The following ASAH1 variants were observed in gnomAD, a reference collection of about 807,000 sequenced individuals.
ASAH1 encodes the protein N-acylsphingosine amidohydrolase 1.
Under a neutral mutation model 59.5 loss-of-function variants are expected in ASAH1, and 70 were observed. That is an observed-to-expected ratio of 1.18 (90% CI 0.97 to 1.43). ASAH1 has a LOEUF of 1.43. Ranked by LOEUF, ASAH1 falls within the 40% of genes most tolerant of loss-of-function variation. ASAH1 has a pLI of 0.00. For missense variants in ASAH1, 660 were observed against 482.5 expected, an observed-to-expected ratio of 1.37 and a Z score of -3.45; for synonymous variants, 213 against 166.5, an observed-to-expected ratio of 1.28 and a Z score of -2.15.
At chr8:18,063,450 T>G (rs926667922) in intron 6 of ASAH1, 1 of 495,522 alleles carries the variant, frequency 2.0e-6, no homozygotes, top group East Asian at 3.8e-5. Context: ...ATTACAGACA[T>G]GTGCGACCGC....
At chr8:18,070,845 T>C (rs570010269) in intron 3 of ASAH1, among the ~76,000 whole-genome samples, 88 of 152,278 alleles carry the variant, frequency 5.8e-4, no homozygotes, top group Non-Finnish European at 9.8e-4. Context: ...CAATAATATT[T>C]AATAAAGTTA....
At chr8:18,079,274 G>A (rs202168707) in intron 1 of ASAH1, among the ~76,000 whole-genome samples, 165 of 116,810 alleles carry the variant, frequency 1.4e-3, no homozygotes, top group Non-Finnish European at 1.6e-3. Flanking sequence ...CTCCATCTCA[G>A]AAAAAAAAAA....
At chr8:18,078,007 G>C (rs1163810286) in intron 1 of ASAH1, among the ~76,000 whole-genome samples, 1 of 152,156 alleles carries the variant, frequency 6.6e-6, no homozygotes, top group African/African-American at 2.4e-5. Flanking sequence ...GCTGGTGACA[G>C]AATCAGAGTC....
At chr8:18,083,884 A>C in intron 1 of ASAH1, 97 bp downstream of exon 1, 2 of 1,533,858 alleles carry the variant, frequency 1.3e-6, no homozygotes, top group Non-Finnish European at 1.7e-6. Context: ...GCCCAGCACG[A>C]GGTGTTCCTT....
intron 7 of ASAH1, chr8:18,062,828 C>T (rs7387912): frequency 0.35 from 119,748 of 345,740 alleles, 22,745 homozygotes; most frequent in South Asian, 0.5. Flanking sequence ...ATCAATATAA[C>T]ACAACCTACT....
rs768462100 is a variant in ASAH1, at chr8:18,057,550, G to C, written c.1172C>G (p.Pro391Arg). The C allele has an allele frequency of 2.5e-6, 4 of 1,600,294 alleles. No homozygotes were observed. The East Asian group carries it at 6.8e-5, about 27-fold the overall frequency. ...FETYLRDCPD[P>R]CIGW ...GACGTGTGCTCACCAACCTATACAA[G>C]GGTCAGGGCAGTCCCGCAGGTAAGT... Residue 391 changes from proline (P) to arginine (R), a missense_variant, in exon 14 of 14, where the codon CCT becomes CGT. Transcript: ENST00000637790.
At chr8:18,058,483 A>C in intron 13 of ASAH1, 4 of 241,454 alleles carry the variant, frequency 1.7e-5, no homozygotes, top group African/African-American at 2.3e-5. Context: ...ACCAAGACAC[A>C]GAGCTCTGTC....
At chr8:18,079,897 G>T (rs1800581397) in intron 1 of ASAH1, among the ~76,000 whole-genome samples, 1 of 152,190 alleles carries the variant, frequency 6.6e-6, no homozygotes, top group Non-Finnish European at 1.5e-5. Flanking sequence ...CTTGTCTTCT[G>T]GGCTTTGATG....
At chr8:18,075,609 G>T (rs372476327) in intron 1 of ASAH1, 22 bp from the exon 2 acceptor site, 8 of 1,613,224 alleles carry the variant, frequency 5.0e-6, no homozygotes, top group Non-Finnish European at 6.8e-6. Flanking sequence ...AGAAAATTAA[G>T]TTTCAGAAAA....
intron 1 of ASAH1, among the ~76,000 whole-genome samples, chr8:18,079,732 TTTCA>T (rs1420628980): frequency 1.3e-5 from 2 of 152,208 alleles, no homozygotes; most frequent in Non-Finnish European, 2.9e-5. Flanking sequence ...CCAGACAATT[TTTCA>T]TTCATTCAAT....
At chr8:18,074,202 T>A (rs1800295185) in intron 2 of ASAH1, among the ~76,000 whole-genome samples, 1 of 152,148 alleles carries the variant, frequency 6.6e-6, no homozygotes, top group East Asian at 1.9e-4. Context: ...AATCAATCAG[T>A]AAGGCAGACA....
chr8:18,058,755 T>G, intron 13 of ASAH1, 80 bp downstream of exon 13: 1 of 1,294,254 alleles, frequency 7.7e-7, no homozygotes, highest in South Asian at 1.2e-5. Context: ...CTCAAACTGA[T>G]CAAAGATAAC....
At chr8:18,071,468 T>C (rs1441126212) in intron 2 of ASAH1, 78 bp from the exon 3 acceptor site, 8 of 971,934 alleles carry the variant, frequency 8.2e-6, no homozygotes, top group Non-Finnish European at 1.1e-5. Flanking sequence ...TATAAGAATA[T>C]ATGAGAGGCA....
At chr8:18,067,328 T>A (rs1799973562) in intron 4 of ASAH1, 30 bp from the exon 5 acceptor site, 2 of 1,378,862 alleles carry the variant, frequency 1.5e-6, no homozygotes. Context: ...ATAAAAGCAT[T>A]TAACATAATA....
chr8:18,083,731 A>C (rs1589011407), intron 1 of ASAH1, among the ~76,000 whole-genome samples: 1 of 152,234 alleles, frequency 6.6e-6, no homozygotes, highest in Non-Finnish European at 1.5e-5. Context: ...TGCGAATCAC[A>C]CCCAGGTATC....
intron 2 of ASAH1, chr8:18,073,132 T>C (rs1434121302): frequency 4.9e-5 from 48 of 974,380 alleles, no homozygotes; most frequent in Non-Finnish European, 7.3e-5. Context: ...ATAAACCAAA[T>C]TATTTTAATG....
At chr8:18,059,748 T>C (rs554810918) in intron 10 of ASAH1, 45 bp from the exon 11 acceptor site, 3 of 1,514,632 alleles carry the variant, frequency 2.0e-6, no homozygotes, top group African/African-American at 2.8e-5. Context: ...TTTTTTTAAT[T>C]TTAGTAAATA....
At chr8:18,069,148 A>C (rs917878714) in intron 4 of ASAH1, among the ~76,000 whole-genome samples, 3 of 151,662 alleles carry the variant, frequency 2.0e-5, no homozygotes, top group Non-Finnish European at 4.4e-5. Context: ...CTCAAAAAAA[A>C]AAAAAAAAAA....
At chr8:18,077,584 C>G (rs898191042) in intron 1 of ASAH1, among the ~76,000 whole-genome samples, 1 of 152,190 alleles carries the variant, frequency 6.6e-6, no homozygotes, top group African/African-American at 2.4e-5. Flanking sequence ...AGAAAAATCA[C>G]TCAAAAATCA....
Sources: gnomAD v4.1 joint callset for allele counts (sites outside exome capture counted in the v4.1 genomes callset) on GRCh38, gnomAD v4.1.1 for gene constraint, MANE v1.5 for transcripts, NCBI Gene and HGNC (gene_info 2026-07-23, HGNC 2026-07-21) for gene names.